WWC1: variants seen among roughly 807,000 people sequenced by gnomAD.
WWC1 encodes the protein WW and C2 domain containing 1.
Under a neutral mutation model 138.4 loss-of-function variants are expected in WWC1, and 55 were observed. The observed-to-expected ratio is 0.40, with a 90% CI of 0.32 to 0.50. The LOEUF is 0.50. Ranked by LOEUF, WWC1 falls within the 20% of genes least tolerant of loss-of-function variation. The probability of loss-of-function intolerance (pLI) is 0.72; values close to 1 mark genes in which losing one functional copy is unlikely to be tolerated. For missense variants in WWC1, 1,226 were observed against 1,420.4 expected, an observed-to-expected ratio of 0.86 and a Z score of 2.20; for synonymous variants, 524 against 564.9, an observed-to-expected ratio of 0.93 and a Z score of 1.03.
At chr5:168,368,466 ATCT>A (rs960338712) in intron 1 of WWC1, among the ~76,000 whole-genome samples, 1 of 152,166 alleles carries the variant, frequency 6.6e-6, no homozygotes, top group Admixed American at 6.5e-5. Flanking sequence ...AAGGGGACGT[ATCT>A]TCTTGGTTTT....
intron 1 of WWC1, among the ~76,000 whole-genome samples, chr5:168,311,332 A>C (rs1771058646): frequency 6.6e-6 from 1 of 151,666 alleles, no homozygotes; most frequent in African/African-American, 2.4e-5. Context: ...AAAGCACAGG[A>C]ATCTCAGGCA....
intron 11 of WWC1, among the ~76,000 whole-genome samples, chr5:168,425,476 G>C (rs1485748404): frequency 6.6e-6 from 1 of 150,782 alleles, no homozygotes; most frequent in Non-Finnish European, 1.5e-5. Flanking sequence ...CTGGGAAGTG[G>C]GTGCTATTTT....
chr5:168,450,176 GA>G (rs1417805994), intron 17 of WWC1, among the ~76,000 whole-genome samples: 1 of 152,190 alleles, frequency 6.6e-6, no homozygotes, highest in African/African-American at 2.4e-5. Context: ...ATGTCTTTCA[GA>G]AGTCAAGATG....
At position 168,385,249 on chromosome 5, in the gene WWC1, CG is replaced by C; in HGVS notation, c.271del (p.Glu91SerfsTer6). On this transcript the variant is annotated frameshift_variant, in exon 3 of 23. Transcript: ENST00000265293. LOFTEE classifies it high-confidence loss of function. ...QIEDPRVQWR[R>X]EQEHMLKDYL... ...TGAGGATCCTCGAGTACAATGGCGG[CG>C]GGAGCAGGAACATATGCTGAAGGAT... The C allele has an allele frequency of 6.2e-7, 1 of 1,614,072 alleles. No individual in the cohort carries two copies.
chr5:168,433,598 C>T (rs1782113084), intron 15 of WWC1, among the ~76,000 whole-genome samples: 1 of 151,558 alleles, frequency 6.6e-6, no homozygotes, highest in Admixed American at 6.6e-5. Context: ...AGTGCAGTGG[C>T]GTGATCTTGG....
chr5:168,467,438 A>G (rs1484249488), intron 21 of WWC1, among the ~76,000 whole-genome samples: 2 of 152,216 alleles, frequency 1.3e-5, no homozygotes, highest in Non-Finnish European at 2.9e-5. Flanking sequence ...CTTAAGAACT[A>G]CTGCATGGCT....
intron 1 of WWC1, among the ~76,000 whole-genome samples, chr5:168,302,319 C>T (rs1011396666): frequency 6.6e-6 from 1 of 152,204 alleles, no homozygotes; most frequent in Non-Finnish European, 1.5e-5. Flanking sequence ...TTATGGAGTG[C>T]CTACTGTGCT....
chr5:168,347,800 A>G (rs190109419), intron 1 of WWC1, among the ~76,000 whole-genome samples: 33 of 152,290 alleles, frequency 2.2e-4, no homozygotes, highest in Admixed American at 1.3e-3. Flanking sequence ...ATGATTATGT[A>G]TCAAGAATGA....
At position 168,314,736 on chromosome 5, in the gene WWC1, G is replaced by C. The variant is rs371228069; in HGVS notation, c.119+22465G>C. 4.6e-5 allele frequency among the ~76,000 whole-genome samples: 7 copies of C among 152,330 alleles called. No individual in the cohort carries two copies. The South Asian group carries it at 6.2e-4, about 14-fold the overall frequency. ...CCTGGGAAGCCAGAGGTGGGCTCCAGGTGTGGGACTGGGTACAGGTGGGGA... is the reference window on the plus strand; with the variant it reads ...CCTGGGAAGCCAGAGGTGGGCTCCACGTGTGGGACTGGGTACAGGTGGGGA... On this transcript the variant is annotated intron_variant, in intron 1 of 22. Transcript: ENST00000265293.
intron 1 of WWC1, among the ~76,000 whole-genome samples, chr5:168,334,421 C>T (rs1773291064): frequency 2.0e-5 from 3 of 152,204 alleles, no homozygotes; most frequent in Admixed American, 2.0e-4. Flanking sequence ...AAATGCTGGC[C>T]TCTCTAACCG....
At chr5:168,325,484 G>T (rs537845862) in intron 1 of WWC1, among the ~76,000 whole-genome samples, 4 of 152,120 alleles carry the variant, frequency 2.6e-5, no homozygotes, top group Non-Finnish European at 5.9e-5. Flanking sequence ...AGCACCAGGT[G>T]GGGCAGTGGG....
chr5:168,382,322 T>C (rs1777699746), intron 2 of WWC1, among the ~76,000 whole-genome samples: 1 of 152,218 alleles, frequency 6.6e-6, no homozygotes, highest in South Asian at 2.1e-4. Flanking sequence ...TCATGTATAA[T>C]CAGAAGGCAG....
Position 168,414,447 on chromosome 5 carries a change from G to A in WWC1, c.1041G>A (p.Lys347=), listed in dbSNP as rs1326642866. The part of the protein sequence containing the change: ...ERDRLILINE[K]EELLKEMRFI... ...ACCGGCTGATCCTTATCAACGAGAA[G>A]GAGGAGCTGCTGAAGGAGATGCGCT... is the stretch of plus-strand genomic sequence containing the variant. The change falls in exon 9 of 23, where the codon AAG becomes AAA. Residue 347 remains lysine (K), a synonymous_variant. Transcript: ENST00000265293. 11 of 1,582,342 alleles carry A rather than the reference G, an allele frequency of 7.0e-6. No homozygotes were observed. Among genetic ancestry groups the A allele is most frequent in the African/African-American group, 2.7e-5 (2 of 74,330 alleles).
intron 1 of WWC1, among the ~76,000 whole-genome samples, chr5:168,309,065 G>T (rs954304973): frequency 6.6e-6 from 1 of 152,114 alleles, no homozygotes; most frequent in Non-Finnish European, 1.5e-5. Flanking sequence ...GGTTCCAGAA[G>T]TGTCACCAGG....
rs1183675331 is a variant in WWC1 at position 168,470,524 on chromosome 5, A to G, written c.*1507A>G. On this transcript the variant is annotated 3_prime_UTR_variant, in exon 23 of 23. Transcript: ENST00000265293. ...GGGTGACAGAGCAAGACTCCGTCTC[A>G]AAAAAAAAAAAAAAAGAAAAATGCA... 7.4e-6 allele frequency: 1 copy of G among 134,996 alleles called. No individual in the cohort carries two copies. Among genetic ancestry groups the G allele is most frequent in the Non-Finnish European group, 1.7e-5 (1 of 59,862 alleles). 8.4% of individuals were successfully genotyped at this position (134,996 alleles called of 1,614,324 possible). A position where few individuals can be genotyped will look rare whatever the true frequency, so the allele number is the denominator to read the frequency against.
chr5:168,307,786 A>G (rs995642303), intron 1 of WWC1, among the ~76,000 whole-genome samples: 2 of 151,842 alleles, frequency 1.3e-5, no homozygotes, highest in Non-Finnish European at 1.5e-5. Flanking sequence ...TTGTATTTTT[A>G]GTAGAGTCAG....
intron 1 of WWC1, among the ~76,000 whole-genome samples, chr5:168,313,275 C>T (rs1771278203): frequency 6.6e-6 from 1 of 152,120 alleles, no homozygotes; most frequent in Non-Finnish European, 1.5e-5. Flanking sequence ...AGCACGTCAG[C>T]ATTGCCTGGG....
At chr5:168,460,375 C>A (rs1756700304) in intron 19 of WWC1, among the ~76,000 whole-genome samples, 1 of 152,226 alleles carries the variant, frequency 6.6e-6, no homozygotes, top group South Asian at 2.1e-4. Flanking sequence ...TTGCTCCTAT[C>A]ACATGGGGTT....
chr5:168,391,234 A>G (rs867288065), intron 3 of WWC1, among the ~76,000 whole-genome samples: 1 of 152,062 alleles, frequency 6.6e-6, no homozygotes, highest in Non-Finnish European at 1.5e-5. Flanking sequence ...AGGGCTTTCT[A>G]GTTAAAAATG....
Sources: allele counts gnomAD v4.1 joint callset (sites outside exome capture counted in the v4.1 genomes callset), GRCh38; gene constraint gnomAD v4.1.1; transcripts MANE v1.5; gene names NCBI Gene and HGNC (gene_info 2026-07-23, HGNC 2026-07-21).